Variants in DOCK9 observed in about 807,000 individuals in gnomAD.
The protein encoded by DOCK9 is dedicator of cytokinesis protein 9.
DOCK9 carries 89 observed loss-of-function variants against 263.3 expected under a neutral mutation model. The ratio of observed to expected loss-of-function variants is 0.34; its 90% CI spans 0.28 to 0.40. The LOEUF is 0.40. DOCK9 is among the 10% of genes least tolerant of loss of function. The probability of loss-of-function intolerance (pLI) is 1.00; values close to 1 mark genes in which losing one functional copy is unlikely to be tolerated. For missense variants in DOCK9, 2,140 were observed against 2,603.4 expected, an observed-to-expected ratio of 0.82 and a Z score of 3.87; for synonymous variants, 976 against 973.1, an observed-to-expected ratio of 1.00 and a Z score of -0.06.
chr13:99,054,088 C>T (rs923263873), intron 1 of DOCK9, among the ~76,000 whole-genome samples: 1 of 152,166 alleles, frequency 6.6e-6, no homozygotes, highest in Non-Finnish European at 1.5e-5. Context: ...CACTGTAAGA[C>T]ACTGCAATTC....
intron 1 of DOCK9, among the ~76,000 whole-genome samples, chr13:99,071,730 T>C (rs2041689740): frequency 6.6e-6 from 1 of 152,178 alleles, no homozygotes; most frequent in Non-Finnish European, 1.5e-5. Flanking sequence ...TTAATTTCTC[T>C]AAAAATGTTT....
intron 1 of DOCK9, among the ~76,000 whole-genome samples, chr13:99,019,907 C>T (rs922205921): frequency 1.3e-5 from 2 of 152,070 alleles, no homozygotes; most frequent in Non-Finnish European, 2.9e-5. Context: ...TCGAGACCAG[C>T]CTGGGCAACA....
At chr13:98,888,297 T>C (rs2046109843) in intron 17 of DOCK9, 63 bp downstream of exon 17, 4 of 1,602,892 alleles carry the variant, frequency 2.5e-6, no homozygotes, top group Middle Eastern at 1.7e-4. Flanking sequence ...TAAAAGAACA[T>C]GGGACGCTGA....
intron 45 of DOCK9, among the ~76,000 whole-genome samples, chr13:98,816,708 T>G: frequency 2.1e-5 from 3 of 142,668 alleles, no homozygotes; most frequent in Admixed American, 1.4e-4. Flanking sequence ...GAAAAGAGGA[T>G]CGGGTTAGTC....
At chr13:98,954,850 C>T (rs947768615) in intron 2 of DOCK9, among the ~76,000 whole-genome samples, 2 of 136,642 alleles carry the variant, frequency 1.5e-5, no homozygotes, top group African/African-American at 5.3e-5. Flanking sequence ...GAGTATAGCA[C>T]TTTTATTCAA....
chr13:98,879,632 C>G (rs1257625475), intron 27 of DOCK9, among the ~76,000 whole-genome samples: 2 of 152,192 alleles, frequency 1.3e-5, no homozygotes, highest in South Asian at 2.1e-4. Context: ...AGACTGGACT[C>G]AAAACCTGGC....
rs529088630 is a variant in DOCK9 at position 98,810,222 on chromosome 13, C to T, written c.5200G>A (p.Ala1734Thr). 6 of 1,613,124 alleles carry T rather than the reference C, an allele frequency of 3.7e-6. No homozygotes were observed. Among genetic ancestry groups the T allele is most frequent in the Admixed American group, 1.7e-5 (1 of 59,952 alleles). The change falls in exon 46 of 53, where the codon GCC (alanine) becomes ACC (threonine). Residue 1734 changes from alanine (A) to threonine (T), a missense_variant. Physicochemically the swap from Ala to Thr is moderately conservative, Grantham distance 58 (BLOSUM62 0). Coordinates refer to ENST00000682017, the MANE Select transcript of DOCK9 (RefSeq NM_001366683.2). ...GGGATGATAAGTTTGTAGATGTCGG[C>T]GATGAGCTCGTAGCGCTCGGCTTTC... ...LWKAERYELI[A>T]DIYKLIIPIY... is the part of the protein sequence containing the mutation.
intron 45 of DOCK9, 69 bp from the exon 46 acceptor site, chr13:98,810,360 G>C: frequency 6.3e-7 from 1 of 1,588,030 alleles, no homozygotes; most frequent in Non-Finnish European, 8.6e-7. Flanking sequence ...ACCCGTTGCA[G>C]AATGCTAAGT....
chr13:99,025,783 G>A (rs1049557205), intron 1 of DOCK9, among the ~76,000 whole-genome samples: 2 of 152,030 alleles, frequency 1.3e-5, no homozygotes, highest in Non-Finnish European at 2.9e-5. Flanking sequence ...AACAAAAATT[G>A]GAAACAACAC....
intron 1 of DOCK9, chr13:98,959,401 A>AC (rs1322468907): frequency 6.6e-6 from 1 of 152,174 alleles, no homozygotes; most frequent in Non-Finnish European, 1.5e-5. Flanking sequence ...TACAAACCCT[A>AC]CCTCAGGTCA....
At chr13:99,028,726 A>C (rs533149342) in intron 1 of DOCK9, among the ~76,000 whole-genome samples, 3 of 152,264 alleles carry the variant, frequency 2.0e-5, no homozygotes, top group Non-Finnish European at 2.9e-5. Context: ...TAATGTGACT[A>C]CCTCCCAGAG....
chr13:99,036,453 C>A (rs567452760), intron 1 of DOCK9, among the ~76,000 whole-genome samples: 1 of 152,220 alleles, frequency 6.6e-6, no homozygotes, highest in Non-Finnish European at 1.5e-5. Flanking sequence ...CAGAACCCAA[C>A]CATGCTGGCA....
At chr13:99,066,375 TAC>T (rs2041417525) in intron 1 of DOCK9, among the ~76,000 whole-genome samples, 1 of 152,222 alleles carries the variant, frequency 6.6e-6, no homozygotes, top group African/African-American at 2.4e-5. Flanking sequence ...TCATGCCCAG[TAC>T]ACACAATCAT....
intron 1 of DOCK9, among the ~76,000 whole-genome samples, chr13:98,956,163 T>C (rs887038670): frequency 3.3e-5 from 5 of 152,200 alleles, no homozygotes; most frequent in African/African-American, 4.8e-5. Context: ...CCAGGGCTCA[T>C]GGGTGAATCC....
chr13:98,938,202 C>T (rs1219156305), intron 2 of DOCK9, among the ~76,000 whole-genome samples: 1 of 152,244 alleles, frequency 6.6e-6, no homozygotes, highest in African/African-American at 2.4e-5. Flanking sequence ...TGTTTCAAAC[C>T]ACAAGAAATG....
intron 1 of DOCK9, among the ~76,000 whole-genome samples, chr13:98,966,748 TGCCAGGCA>T (rs2059237520): frequency 6.6e-6 from 1 of 152,228 alleles, no homozygotes; most frequent in African/African-American, 2.4e-5. Flanking sequence ...CAGACTCCAC[TGCCAGGCA>T]GGCAGTATAG....
intron 13 of DOCK9, among the ~76,000 whole-genome samples, chr13:98,898,466 AAAG>A (rs1245699519): frequency 6.6e-6 from 1 of 152,266 alleles, no homozygotes; most frequent in East Asian, 1.9e-4. Flanking sequence ...AGTGATTCTC[AAAG>A]AATACAGAAC....
intron 1 of DOCK9, among the ~76,000 whole-genome samples, chr13:98,988,218 G>C (rs1878937094): frequency 6.6e-6 from 1 of 152,136 alleles, no homozygotes; most frequent in Non-Finnish European, 1.5e-5. Context: ...GCAGGTGAGC[G>C]AGGTATTCAT....
intron 1 of DOCK9, among the ~76,000 whole-genome samples, chr13:99,047,108 A>C (rs529445636): frequency 5.3e-5 from 8 of 152,220 alleles, no homozygotes; most frequent in Non-Finnish European, 8.8e-5. Context: ...GGGTCAAATA[A>C]ATAAAAATGG....
Sources: gnomAD v4.1 joint callset for allele counts (sites outside exome capture counted in the v4.1 genomes callset) on GRCh38, gnomAD v4.1.1 for gene constraint, MANE v1.5 for transcripts, NCBI Gene and HGNC (gene_info 2026-07-23, HGNC 2026-07-21) for gene names.